Variants in KCNT2 observed in about 807,000 individuals in gnomAD.
KCNT2 encodes potassium sodium-activated channel subfamily T member 2.
In KCNT2, 67 loss-of-function variants were observed where a neutral mutation model predicts 153.8. That is an observed-to-expected ratio of 0.44 (90% CI 0.36 to 0.53). The LOEUF is 0.53. KCNT2 is among the 20% of genes least tolerant of loss of function. The pLI, the probability that KCNT2 is intolerant of heterozygous loss-of-function variation, is 0.00. For synonymous variants in KCNT2, 500 were observed against 458.8 expected (o/e 1.09, Z -1.15); for missense variants, 975 against 1,354.8 (o/e 0.72, Z 4.40).
At chr1:196,322,008 A>T (rs933577761) in intron 19 of KCNT2, among the ~76,000 whole-genome samples, 2 of 151,978 alleles carry the variant, frequency 1.3e-5, no homozygotes, top group Admixed American at 6.6e-5. Flanking sequence ...GGGAAGCATT[A>T]TTATTGAAAA....
intron 26 of KCNT2, chr1:196,257,712 G>A (rs985373046): frequency 2.0e-6 from 2 of 983,198 alleles, no homozygotes; most frequent in Non-Finnish European, 2.4e-6. Flanking sequence ...AGCAGTATTT[G>A]AGCTTCAAAA....
intron 21 of KCNT2, among the ~76,000 whole-genome samples, chr1:196,314,382 T>C (rs1662497228): frequency 6.6e-6 from 1 of 151,594 alleles, no homozygotes; most frequent in South Asian, 2.1e-4. Context: ...TTTTCTTTTA[T>C]ATTCTCTAGA....
intron 25 of KCNT2, among the ~76,000 whole-genome samples, chr1:196,277,310 T>C (rs900842340): frequency 2.6e-5 from 4 of 152,284 alleles, no homozygotes; most frequent in African/African-American, 7.2e-5. Flanking sequence ...CATGGTGATC[T>C]GGCTGGATTA....
intron 8 of KCNT2, among the ~76,000 whole-genome samples, chr1:196,448,803 CT>C (rs1206467757): frequency 6.6e-6 from 1 of 151,502 alleles, no homozygotes; most frequent in African/African-American, 2.4e-5. Context: ...AATCTAATGA[CT>C]TTTTTTGTTT....
intron 1 of KCNT2, among the ~76,000 whole-genome samples, chr1:196,516,035 C>T (rs1204329850): frequency 6.6e-6 from 1 of 152,156 alleles, no homozygotes; most frequent in Non-Finnish European, 1.5e-5. Context: ...GACTTCCCAG[C>T]AAAGGCAGCT....
intron 13 of KCNT2, among the ~76,000 whole-genome samples, chr1:196,385,929 G>A (rs7553980): frequency 6.6e-6 from 1 of 152,142 alleles, no homozygotes; most frequent in East Asian, 1.9e-4. Context: ...ATAGCAGAAT[G>A]GGGATGAACC....
intron 22 of KCNT2, among the ~76,000 whole-genome samples, chr1:196,292,811 C>CAAAAA (rs750026564): frequency 2.9e-5 from 2 of 69,286 alleles, no homozygotes; most frequent in African/African-American, 5.4e-5. Flanking sequence ...GACTCTGTCT[C>CAAAAA]AAAAAAAAAA....
At chr1:196,552,419 C>CA (rs1167148426) in intron 1 of KCNT2, among the ~76,000 whole-genome samples, 3 of 151,206 alleles carry the variant, frequency 2.0e-5, no homozygotes, top group Non-Finnish European at 4.4e-5. Context: ...ATGTATCTGG[C>CA]AAAAATATCC....
intron 26 of KCNT2, among the ~76,000 whole-genome samples, chr1:196,255,693 G>A (rs1656422349): frequency 6.6e-6 from 1 of 151,854 alleles, no homozygotes; most frequent in South Asian, 2.1e-4. Context: ...GTTTGGATCA[G>A]TTTCCATATC....
At chr1:196,419,838 G>C (rs1269151380) in intron 12 of KCNT2, among the ~76,000 whole-genome samples, 1 of 150,782 alleles carries the variant, frequency 6.6e-6, no homozygotes, top group South Asian at 2.1e-4. Context: ...TTTTTCCTTT[G>C]GCTTCTTCTT....
intron 1 of KCNT2, among the ~76,000 whole-genome samples, chr1:196,512,367 A>G (rs1681701969): frequency 6.6e-6 from 1 of 152,156 alleles, no homozygotes; most frequent in Non-Finnish European, 1.5e-5. Flanking sequence ...CCAAACTCAT[A>G]TATTAATTAA....
chr1:196,281,791 C>G (rs888919052), intron 24 of KCNT2, among the ~76,000 whole-genome samples: 4 of 150,416 alleles, frequency 2.7e-5, no homozygotes, highest in African/African-American at 9.8e-5. Context: ...GAGTCTTACT[C>G]TGTTGCCCAG....
At chr1:196,275,646 A>C (rs902488811) in intron 25 of KCNT2, among the ~76,000 whole-genome samples, 3 of 151,954 alleles carry the variant, frequency 2.0e-5, no homozygotes, top group Non-Finnish European at 4.4e-5. Context: ...AGAACATGGA[A>C]AGATGACAGG....
intron 3 of KCNT2, among the ~76,000 whole-genome samples, chr1:196,483,284 T>C (rs935131853): frequency 6.6e-6 from 1 of 152,120 alleles, no homozygotes; most frequent in Non-Finnish European, 1.5e-5. Flanking sequence ...TACAACAAAA[T>C]ATCTGCAGAA....
chr1:196,294,679 G>T (rs1319061115), intron 22 of KCNT2, among the ~76,000 whole-genome samples: 2 of 152,072 alleles, frequency 1.3e-5, no homozygotes, highest in African/African-American at 4.8e-5. Context: ...AACTGAAAAA[G>T]TATGTTGAAG....
At chr1:196,394,014 T>A (rs923502536) in intron 13 of KCNT2, among the ~76,000 whole-genome samples, 1 of 151,470 alleles carries the variant, frequency 6.6e-6, no homozygotes, top group Admixed American at 6.6e-5. Context: ...AGTCTCTCAC[T>A]GGAAAAAAAA....
chr1:196,465,078 T>C (rs917981599), intron 8 of KCNT2, among the ~76,000 whole-genome samples: 4 of 152,056 alleles, frequency 2.6e-5, no homozygotes, highest in Non-Finnish European at 5.9e-5. Flanking sequence ...AGTTGCAGTA[T>C]ATATCAATAG....
At chr1:196,383,538 T>C (rs979117772) in intron 13 of KCNT2, among the ~76,000 whole-genome samples, 4 of 152,176 alleles carry the variant, frequency 2.6e-5, no homozygotes, top group Non-Finnish European at 5.9e-5. Flanking sequence ...GAGTGTTTTA[T>C]AGCACTGGGT....
intron 14 of KCNT2, among the ~76,000 whole-genome samples, chr1:196,361,351 G>A (rs943654806): frequency 1.4e-4 from 22 of 151,954 alleles, no homozygotes; most frequent in African/African-American, 4.6e-4. Flanking sequence ...GGTTACCTGA[G>A]GGAGCCTAAG....
Sources: allele counts gnomAD v4.1 joint callset (sites outside exome capture counted in the v4.1 genomes callset), GRCh38; gene constraint gnomAD v4.1.1; transcripts MANE v1.5; gene names NCBI Gene and HGNC (gene_info 2026-07-23, HGNC 2026-07-21).